GALNT14: variants seen among roughly 807,000 people sequenced by gnomAD.
GALNT14 encodes the protein polypeptide N-acetylgalactosaminyltransferase 14.
In GALNT14, 60 loss-of-function variants were observed where a neutral mutation model predicts 77.5. That is an observed-to-expected ratio of 0.77 (90% CI 0.63 to 0.96). GALNT14 has a LOEUF of 0.96. Among genes scored for constraint, GALNT14 ranks in the 40% least tolerant of loss-of-function variants. GALNT14 has a pLI of 0.00. For missense variants in GALNT14, 710 were observed against 731.0 expected (o/e 0.97, Z 0.33); for synonymous variants, 280 against 281.7 (o/e 0.99, Z 0.06).
intron 1 of GALNT14, among the ~76,000 whole-genome samples, chr2:31,029,088 G>A (rs569306168): frequency 6.6e-4 from 100 of 152,244 alleles, no homozygotes; most frequent in Middle Eastern, 3.4e-3. Flanking sequence ...ACTCTAACGC[G>A]TGCAGAGGGA....
rs746271232 is a variant in GALNT14 at position 31,138,025 on chromosome 2, A to G, written c.62T>C (p.Leu21Pro). 3.1e-6 allele frequency: 5 copies of G among 1,613,836 alleles called. No individual in the cohort carries two copies. Among genetic ancestry groups the G allele is most frequent in the Non-Finnish European group, 4.2e-6 (5 of 1,179,802 alleles). Reference protein sequence around the residue: ...PVFGVLWITVLLFFWVTKRKL... With the variant: ...PVFGVLWITVPLFFWVTKRKL... ...CCTCTTGGTTACCCAGAAGAACAGC[A>G]GCACCGTGATCCAGAGCACCCCGAA... Residue 21 changes from leucine to proline, a missense_variant, in exon 1 of 15, where the codon CTG becomes CCG. Leu to Pro is a moderately conservative substitution (Grantham distance 98, BLOSUM62 -3). Coordinates refer to ENST00000349752, the MANE Select transcript of GALNT14 (RefSeq NM_024572.4).
At chr2:30,973,798 C>A (rs1668491071) in intron 2 of GALNT14, among the ~76,000 whole-genome samples, 1 of 152,154 alleles carries the variant, frequency 6.6e-6, no homozygotes, top group Non-Finnish European at 1.5e-5. Flanking sequence ...CTTATTCTTG[C>A]CTCAATAGCC....
At chr2:31,035,263 T>A (rs746957630) in intron 1 of GALNT14, among the ~76,000 whole-genome samples, 5 of 152,162 alleles carry the variant, frequency 3.3e-5, no homozygotes, top group Non-Finnish European at 7.3e-5. Context: ...TTTGCTTCAG[T>A]ATTTTGGGCT....
At chr2:31,028,109 T>C (rs1311611681) in intron 1 of GALNT14, among the ~76,000 whole-genome samples, 3 of 152,212 alleles carry the variant, frequency 2.0e-5, no homozygotes, top group Non-Finnish European at 4.4e-5. Context: ...ATCGTTCTCA[T>C]TGTTACAGAC....
At chr2:31,068,507 C>CAAAA (rs56916863) in intron 1 of GALNT14, among the ~76,000 whole-genome samples, 9 of 104,236 alleles carry the variant, frequency 8.6e-5, no homozygotes, top group East Asian at 5.8e-4. Context: ...GACCCCGTCT[C>CAAAA]AAAAAAAAAA....
rs148737041 is a variant in GALNT14 at position 31,064,641 on chromosome 2, G to A, written c.130-71634C>T. Among the ~76,000 whole-genome samples, 495 of 152,092 alleles carry A rather than the reference G, an allele frequency of 3.3e-3. 6 individuals are homozygous for A. The highest frequency in any genetic ancestry group is 0.012 in the African/African-American group (480 of 41,476). Reference sequence around the variant, plus strand: ...ACAACACAAATATATCGCTGATTTCGGCTGGGCTGGCAGAAGTGAGATCAT... The same window carrying A: ...ACAACACAAATATATCGCTGATTTCAGCTGGGCTGGCAGAAGTGAGATCAT... On this transcript the variant is annotated intron_variant, in intron 1 of 14. Coordinates refer to ENST00000349752, the MANE Select transcript of GALNT14 (RefSeq NM_024572.4).
At chr2:31,090,170 A>T (rs1676657712) in intron 1 of GALNT14, among the ~76,000 whole-genome samples, 1 of 152,100 alleles carries the variant, frequency 6.6e-6, no homozygotes, top group Non-Finnish European at 1.5e-5. Context: ...GATGGAGCAA[A>T]GTGTCCCTCA....
intron 2 of GALNT14, among the ~76,000 whole-genome samples, chr2:30,980,754 G>C (rs1668940484): frequency 6.6e-6 from 1 of 152,246 alleles, no homozygotes; most frequent in Non-Finnish European, 1.5e-5. Context: ...ACATGAGAAA[G>C]AGCTGGGAAA....
At chr2:31,098,384 A>T (rs1287990558) in intron 1 of GALNT14, among the ~76,000 whole-genome samples, 1 of 152,146 alleles carries the variant, frequency 6.6e-6, no homozygotes, top group Non-Finnish European at 1.5e-5. Flanking sequence ...GGACAAGAGG[A>T]TGTGCATCAT....
rs1279395105 is a variant in GALNT14 at position 31,130,776 on chromosome 2, G to GCGCGCGCC, written c.129+7181_129+7182insGGCGCGCG. ...TGTGTGTGTGTGTGTGTGTGTGTGT[G>GCGCGCGCC]TGTGTGTGCGCGCGCACCTGTGTGT... On this transcript the variant is annotated intron_variant, in intron 1 of 14. Coordinates refer to ENST00000349752, the MANE Select transcript of GALNT14 (RefSeq NM_024572.4). Among the ~76,000 whole-genome samples, 1,032 of 142,276 alleles carry GCGCGCGCC rather than the reference G, an allele frequency of 7.3e-3. 9 individuals are homozygous for GCGCGCGCC. Among genetic ancestry groups the GCGCGCGCC allele is most frequent in the East Asian group, 9.2e-3 (46 of 5,014 alleles). The allele number at this position is 142,276 out of a possible 152,430, so 93.3% of individuals were successfully genotyped here.
In GALNT14 at chr2:30,910,696, G is replaced by T. The variant is rs1221041907; in HGVS notation, c.*205C>A. 1.7e-5 allele frequency: 9 copies of T among 539,450 alleles called. No individual in the cohort carries two copies. The South Asian group carries it at 2.0e-4, about 12-fold the overall frequency. The allele number at this position is 539,450 out of a possible 1,614,324, so 33.4% of individuals were successfully genotyped here. A position where few individuals can be genotyped will look rare whatever the true frequency, so the allele number is the denominator to read the frequency against. ...TGGAACTTAACGGCCTTGAGAACAT[G>T]TGGGATTTGTCTTTGAGCCCCATTG... On this transcript the variant is annotated 3_prime_UTR_variant, in exon 15 of 15. Coordinates refer to ENST00000349752, the MANE Select transcript of GALNT14 (RefSeq NM_024572.4).
At chr2:30,999,988 G>A (rs1232562590) in intron 1 of GALNT14, among the ~76,000 whole-genome samples, 1 of 152,172 alleles carries the variant, frequency 6.6e-6, no homozygotes, top group Admixed American at 6.5e-5. Context: ...CACATGTTTT[G>A]CTGGTGAGCA....
intron 2 of GALNT14, among the ~76,000 whole-genome samples, chr2:30,977,092 C>CAT (rs1668676981): frequency 7.4e-6 from 1 of 135,134 alleles, no homozygotes. Context: ...GCTTTTCTGT[C>CAT]TTTTTTTTTT....
intron 1 of GALNT14, among the ~76,000 whole-genome samples, chr2:31,104,645 T>G (rs1677459568): frequency 6.6e-6 from 1 of 152,240 alleles, no homozygotes; most frequent in Non-Finnish European, 1.5e-5. Flanking sequence ...CCTCAGTCTT[T>G]CTCTGTTTCT....
rs146263324 is a variant in GALNT14 at position 31,136,988 on chromosome 2, C to T, written c.129+970G>A. Among the ~76,000 whole-genome samples, 803 of 152,240 alleles carry T rather than the reference C, an allele frequency of 5.3e-3. 6 individuals carry two copies. The highest frequency in any genetic ancestry group is 0.017 in the Admixed American group (258 of 15,294). ...GCTCCTCCAAGGCTTTTGCCCAGAC[C>T]CCTAGACGACTGTTCTGGACCCAGT... On this transcript the variant is annotated intron_variant, in intron 1 of 14. Coordinates refer to ENST00000349752, the MANE Select transcript of GALNT14 (RefSeq NM_024572.4).
At chr2:30,983,923 T>A (rs1366265973) in intron 2 of GALNT14, among the ~76,000 whole-genome samples, 2 of 152,184 alleles carry the variant, frequency 1.3e-5, no homozygotes, top group Admixed American at 1.3e-4. Context: ...GAAAAATTGA[T>A]TTTGCATTTC....
chr2:30,980,260 G>C (rs1668904835), intron 2 of GALNT14, among the ~76,000 whole-genome samples: 1 of 152,272 alleles, frequency 6.6e-6, no homozygotes, highest in South Asian at 2.1e-4. Context: ...CTCCACCCCT[G>C]GCCCTGTTAC....
At chr2:30,978,282 T>C (rs1668760709) in intron 2 of GALNT14, among the ~76,000 whole-genome samples, 2 of 152,198 alleles carry the variant, frequency 1.3e-5, no homozygotes, top group Admixed American at 1.3e-4. Context: ...TCCACCACAC[T>C]CCACATGGCC....
the GALNT14 span, among the ~76,000 whole-genome samples, chr2:30,887,187 T>C: frequency 6.6e-6 from 1 of 152,210 alleles, no homozygotes; most frequent in Non-Finnish European, 1.5e-5. Context: ...TATGAAAGTG[T>C]TTGTGCATGT....
Sources: gnomAD v4.1 joint callset for allele counts (sites outside exome capture counted in the v4.1 genomes callset) on GRCh38, gnomAD v4.1.1 for gene constraint, MANE v1.5 for transcripts, NCBI Gene and HGNC (gene_info 2026-07-23, HGNC 2026-07-21) for gene names.